The following TBC1D5 variants were observed in gnomAD, a reference collection of about 807,000 sequenced individuals.
The protein encoded by TBC1D5 is TBC1 domain family member 5.
A neutral mutation model predicts 100.3 loss-of-function variants in TBC1D5; 75 were observed. The observed-to-expected ratio is 0.75, with a 90% CI of 0.62 to 0.91. The LOEUF is 0.91. Among genes scored for constraint, TBC1D5 ranks in the 40% least tolerant of loss-of-function variants. The probability of loss-of-function intolerance (pLI) is 0.00; values close to 1 mark genes in which losing one functional copy is unlikely to be tolerated. For missense variants in TBC1D5, 910 were observed against 942.4 expected (o/e 0.97, Z 0.45); for synonymous variants, 323 against 325.6 (o/e 0.99, Z 0.09).
intron 2 of TBC1D5, among the ~76,000 whole-genome samples, chr3:17,595,370 T>A (rs1033657729): frequency 6.6e-5 from 10 of 152,152 alleles, no homozygotes; most frequent in African/African-American, 2.4e-4. Flanking sequence ...CAAAGGAAAA[T>A]CTCTTCACAC....
At chr3:17,527,508 T>A (rs772800328) in intron 2 of TBC1D5, among the ~76,000 whole-genome samples, 1 of 152,180 alleles carries the variant, frequency 6.6e-6, no homozygotes, top group Non-Finnish European at 1.5e-5. Flanking sequence ...TGACATGATA[T>A]GATCTATTCT....
intron 13 of TBC1D5, among the ~76,000 whole-genome samples, chr3:17,355,929 C>A (rs2091176712): frequency 1.3e-5 from 2 of 151,796 alleles, no homozygotes; most frequent in East Asian, 1.9e-4. Flanking sequence ...GAAGCCAATT[C>A]CAGAGAGAAA....
chr3:17,524,726 T>C (rs184556113), intron 2 of TBC1D5: 2 of 152,002 alleles, frequency 1.3e-5, no homozygotes, highest in Non-Finnish European at 2.9e-5. Context: ...TAGCCAGATA[T>C]AGTGACAGGA....
chr3:17,524,141 C>T lies in TBC1D5; in HGVS notation c.-35-15536G>A, dbSNP rs532189050. Among the ~76,000 whole-genome samples, 7 of 152,126 alleles carry T rather than the reference C, an allele frequency of 4.6e-5. No homozygotes were observed. In the South Asian group the frequency reaches 8.3e-4, roughly 18 times the overall value. The stretch of plus-strand genomic sequence containing the variant: ...GGAGAAAAACAAGCAGTGCACGGAA[C>T]GGAATTTTATACATATACACAGCCA... On this transcript the variant is annotated intron_variant, in intron 2 of 21. Coordinates refer to ENST00000253692, the Ensembl canonical transcript of TBC1D5.
At chr3:17,543,078 A>C (rs2096374698) in intron 2 of TBC1D5, among the ~76,000 whole-genome samples, 1 of 152,130 alleles carries the variant, frequency 6.6e-6, no homozygotes, top group Non-Finnish European at 1.5e-5. Context: ...ATTACTGTAG[A>C]TATATATGGC....
Position 17,233,149 on chromosome 3 carries a change from C to G in TBC1D5, c.1588+5014G>C, listed in dbSNP as rs184601341. On this transcript the variant is annotated intron_variant, in intron 17 of 21. Coordinates refer to ENST00000253692, the Ensembl canonical transcript of TBC1D5. ...ATATTTAAACATTCTTTTTTTAAAACCATTGCCAGTTACCATAAATGAAGA... is the reference window on the plus strand; with the variant it reads ...ATATTTAAACATTCTTTTTTTAAAAGCATTGCCAGTTACCATAAATGAAGA... 5.3e-5 allele frequency among the ~76,000 whole-genome samples: 8 copies of G among 152,094 alleles called. No individual in the cohort carries two copies. In the East Asian group the frequency reaches 1.5e-3, roughly 29 times the overall value.
intron 2 of TBC1D5, among the ~76,000 whole-genome samples, chr3:17,574,841 C>T (rs1045929038): frequency 1.3e-5 from 2 of 152,098 alleles, no homozygotes; most frequent in African/African-American, 2.4e-5. Context: ...TCAAAGACTA[C>T]TGGCAGGCCA....
At chr3:17,350,261 A>G (rs2090401757) in intron 13 of TBC1D5, among the ~76,000 whole-genome samples, 1 of 152,182 alleles carries the variant, frequency 6.6e-6, no homozygotes, top group Non-Finnish European at 1.5e-5. Flanking sequence ...AAAATAGATA[A>G]GAAAAAAAAG....
chr3:17,710,634 TGATAC>T (rs1191500273), intron 1 of TBC1D5, among the ~76,000 whole-genome samples: 2 of 151,982 alleles, frequency 1.3e-5, no homozygotes, highest in Admixed American at 1.3e-4. Flanking sequence ...TTGAACGACT[TGATAC>T]GATAAGAGGA....
chr3:17,340,130 C>T (rs745870620), intron 13 of TBC1D5, among the ~76,000 whole-genome samples: 1 of 152,074 alleles, frequency 6.6e-6, no homozygotes, highest in Admixed American at 6.6e-5. Flanking sequence ...ATGGAAGTGA[C>T]GGGTACTGGG....
chr3:17,694,499 G>C (rs908778454), intron 1 of TBC1D5, among the ~76,000 whole-genome samples: 4 of 152,172 alleles, frequency 2.6e-5, no homozygotes, highest in African/African-American at 9.7e-5. Flanking sequence ...GGGTATCAGT[G>C]ATTGAAGATC....
At chr3:17,639,657 A>G (rs1263436980) in intron 1 of TBC1D5, among the ~76,000 whole-genome samples, 1 of 152,134 alleles carries the variant, frequency 6.6e-6, no homozygotes, top group Non-Finnish European at 1.5e-5. Context: ...TGAGGGGATC[A>G]ATTTTGTCAC....
intron 1 of TBC1D5, among the ~76,000 whole-genome samples, chr3:17,699,273 C>T (rs1465244980): frequency 2.1e-5 from 3 of 140,368 alleles, no homozygotes; most frequent in African/African-American, 7.8e-5. Context: ...AATCATCATT[C>T]TCAGTAAACT....
At chr3:17,175,025 T>A (rs538375618) in intron 19 of TBC1D5, among the ~76,000 whole-genome samples, 2 of 152,230 alleles carry the variant, frequency 1.3e-5, no homozygotes, top group East Asian at 3.8e-4. Flanking sequence ...CAGATGAAGA[T>A]TTAAGAGATA....
chr3:17,408,245 G>T (rs2093825311), intron 4 of TBC1D5, among the ~76,000 whole-genome samples: 1 of 143,178 alleles, frequency 7.0e-6, no homozygotes. Flanking sequence ...AAAAATACAT[G>T]AAAAGCCCTC....
At chr3:17,411,977 A>G (rs1381276877) in intron 4 of TBC1D5, among the ~76,000 whole-genome samples, 4 of 152,204 alleles carry the variant, frequency 2.6e-5, no homozygotes, top group Admixed American at 2.0e-4. Context: ...TTTCATTTCT[A>G]TTGAATAGTG....
intron 3 of TBC1D5, among the ~76,000 whole-genome samples, chr3:17,450,733 T>C (rs1412635721): frequency 2.0e-5 from 3 of 152,276 alleles, no homozygotes; most frequent in African/African-American, 7.2e-5. Flanking sequence ...TATGCGCCTA[T>C]GTGAAAAGAC....
chr3:17,201,378 C>T (rs2071442650), intron 18 of TBC1D5, among the ~76,000 whole-genome samples: 1 of 152,130 alleles, frequency 6.6e-6, no homozygotes, highest in South Asian at 2.1e-4. Flanking sequence ...GCATGAGATT[C>T]CGGGTGCTTA....
intron 1 of TBC1D5, among the ~76,000 whole-genome samples, chr3:17,725,548 G>A (rs537889561): frequency 6.6e-6 from 1 of 151,978 alleles, no homozygotes; most frequent in South Asian, 2.1e-4. Context: ...TCCCCACCTT[G>A]GGCCATCCTG....
Sources: gnomAD v4.1 joint callset for allele counts (sites outside exome capture counted in the v4.1 genomes callset) on GRCh38, gnomAD v4.1.1 for gene constraint, MANE v1.5 for transcripts, NCBI Gene and HGNC (gene_info 2026-07-23, HGNC 2026-07-21) for gene names.